Variants in NDFIP1 observed in about 807,000 individuals in gnomAD.
NDFIP1 encodes the protein NEDD4 family-interacting protein 1.
Under a neutral mutation model 28.8 loss-of-function variants are expected in NDFIP1, and 7 were observed. That is an observed-to-expected ratio of 0.24 (90% CI 0.14 to 0.46). The LOEUF (loss-of-function observed/expected upper bound fraction) is 0.46. Among genes scored for constraint, NDFIP1 ranks in the 20% least tolerant of loss-of-function variants. The pLI is 0.99. For missense variants in NDFIP1, 194 were observed against 269.1 expected (o/e 0.72, Z 1.95); for synonymous variants, 92 against 101.0 (o/e 0.91, Z 0.53).
intron 6 of NDFIP1, chr5:142,142,940 A>AAAAAAAAAAT (rs60076432): frequency 5.2e-5 from 2 of 38,140 alleles, no homozygotes; most frequent in African/African-American, 1.3e-4. Context: ...AAAAAAAAAA[A>AAAAAAAAAAT]ATATATATAT....
intron 1 of NDFIP1, among the ~76,000 whole-genome samples, chr5:142,128,978 C>T (rs890685547): frequency 3.3e-5 from 5 of 152,144 alleles, no homozygotes; most frequent in Non-Finnish European, 7.4e-5. Flanking sequence ...CTCTTAACCT[C>T]TTTGTTCTTT....
At chr5:142,140,208 G>T (rs974185701) in intron 5 of NDFIP1, among the ~76,000 whole-genome samples, 8 of 152,072 alleles carry the variant, frequency 5.3e-5, no homozygotes, top group Non-Finnish European at 2.9e-5. Flanking sequence ...CAGCACTTTG[G>T]GAGGCTGATG....
chr5:142,140,811 C>T (rs1445877961), intron 6 of NDFIP1, among the ~76,000 whole-genome samples, 182 bp downstream of exon 6: 1 of 152,104 alleles, frequency 6.6e-6, no homozygotes, highest in African/African-American at 2.4e-5. Context: ...GTAACATGCA[C>T]GTTAATAAAA....
rs1757472861 is a variant in NDFIP1 at position 142,153,954 on chromosome 5, T to C, written c.*2226T>C. 6.6e-6 allele frequency: 1 copy of C among 152,594 alleles called. No homozygotes were observed. The highest frequency in any genetic ancestry group is 6.5e-5 in the Admixed American group (1 of 15,306). 9.5% of individuals were successfully genotyped at this position (152,594 alleles called of 1,614,324 possible). On this transcript the variant is annotated 3_prime_UTR_variant, in exon 8 of 8. Transcript: ENST00000253814. Reference sequence around the variant, plus strand: ...TGTAAACCTACAGTTTGATACGCTTTAAAATACCTAGTTAAGAGGATGATT... The same window carrying C: ...TGTAAACCTACAGTTTGATACGCTTCAAAATACCTAGTTAAGAGGATGATT...
intron 1 of NDFIP1, among the ~76,000 whole-genome samples, chr5:142,121,915 G>A (rs1044248690): frequency 2.1e-4 from 32 of 152,338 alleles, no homozygotes; most frequent in African/African-American, 7.2e-4. Context: ...TCCATGCTGT[G>A]CCACTCACTG....
chr5:142,144,754 G>C (rs1359944511), intron 7 of NDFIP1, 78 bp downstream of exon 7: 1 of 935,306 alleles, frequency 1.1e-6, no homozygotes, highest in Non-Finnish European at 1.7e-6. Flanking sequence ...TTTAGAGTAA[G>C]TATCTGTGAT....
chr5:142,117,186 T>C (rs772825056), intron 1 of NDFIP1, among the ~76,000 whole-genome samples: 2 of 151,910 alleles, frequency 1.3e-5, no homozygotes, highest in Non-Finnish European at 2.9e-5. Context: ...AATTTATGAA[T>C]AGAGATATAA....
At chr5:142,110,854 CA>C (rs11301861) in intron 1 of NDFIP1, among the ~76,000 whole-genome samples, 101,092 of 151,100 alleles carry the variant, frequency 0.67, 34,070 homozygotes, top group African/African-American at 0.76. Flanking sequence ...AATTTACATC[CA>C]TTTTTTTTTT....
intron 1 of NDFIP1, among the ~76,000 whole-genome samples, chr5:142,116,582 T>C (rs1323594154): frequency 6.6e-6 from 1 of 152,146 alleles, no homozygotes; most frequent in Admixed American, 6.6e-5. Context: ...TTGGCCAGGC[T>C]AGTCTCGAAC....
intron 7 of NDFIP1, among the ~76,000 whole-genome samples, chr5:142,145,479 G>A (rs980437984): frequency 6.6e-5 from 10 of 152,130 alleles, no homozygotes; most frequent in Admixed American, 4.6e-4. Context: ...TTTGGGGACT[G>A]TGTTAATCAT....
intron 1 of NDFIP1, 145 bp downstream of exon 1, chr5:142,109,182 C>A: frequency 1.4e-6 from 1 of 718,448 alleles, no homozygotes; most frequent in Non-Finnish European, 1.9e-6. Context: ...GCGGGTCGGG[C>A]CCCGGGCTCG....
At chr5:142,118,615 C>G (rs1253386653) in intron 1 of NDFIP1, among the ~76,000 whole-genome samples, 1 of 152,154 alleles carries the variant, frequency 6.6e-6, no homozygotes, top group Non-Finnish European at 1.5e-5. Flanking sequence ...ACTTTCCATA[C>G]TTACTCTTGG....
intron 7 of NDFIP1, among the ~76,000 whole-genome samples, chr5:142,150,217 A>T (rs1757432217): frequency 6.6e-6 from 1 of 151,758 alleles, no homozygotes; most frequent in Non-Finnish European, 1.5e-5. Flanking sequence ...GAAACTGATA[A>T]AACAAATTAT....
intron 1 of NDFIP1, among the ~76,000 whole-genome samples, chr5:142,124,328 C>T (rs1757149157): frequency 6.6e-6 from 1 of 152,188 alleles, no homozygotes; most frequent in African/African-American, 2.4e-5. Flanking sequence ...CTGCTAGTTC[C>T]TTGCCTTTCT....
At chr5:142,146,443 T>C (rs751411746) in intron 7 of NDFIP1, among the ~76,000 whole-genome samples, 3 of 152,216 alleles carry the variant, frequency 2.0e-5, no homozygotes, top group Non-Finnish European at 4.4e-5. Context: ...ATATATCAGA[T>C]TGGAATTTAT....
At chr5:142,142,553 C>T (rs1245926801) in intron 6 of NDFIP1, among the ~76,000 whole-genome samples, 4 of 152,052 alleles carry the variant, frequency 2.6e-5, no homozygotes, top group Non-Finnish European at 1.5e-5. Context: ...GATTGATTCC[C>T]TTTTAAAGTT....
intron 3 of NDFIP1, chr5:142,133,957 T>C (rs1757250446): frequency 6.6e-6 from 1 of 152,102 alleles, no homozygotes; most frequent in African/African-American, 2.4e-5. Context: ...TTTTGATGGG[T>C]AAGAACATTC....
chr5:142,118,911 A>G (rs1188237943), intron 1 of NDFIP1, among the ~76,000 whole-genome samples: 1 of 152,038 alleles, frequency 6.6e-6, no homozygotes, highest in East Asian at 1.9e-4. Flanking sequence ...CTCATCTTAT[A>G]TATTTCCTGC....
At chr5:142,145,857 G>A (rs1290691445) in intron 7 of NDFIP1, among the ~76,000 whole-genome samples, 1 of 152,160 alleles carries the variant, frequency 6.6e-6, no homozygotes, top group Non-Finnish European at 1.5e-5. Context: ...AATTTGTTCT[G>A]TACTCGCAGA....
Sources: allele counts gnomAD v4.1 joint callset (sites outside exome capture counted in the v4.1 genomes callset), GRCh38; gene constraint gnomAD v4.1.1; transcripts MANE v1.5; gene names NCBI Gene and HGNC (gene_info 2026-07-23, HGNC 2026-07-21).